The following HELZ variants were observed in gnomAD, a reference collection of about 807,000 sequenced individuals.
HELZ encodes helicase with zinc finger.
Under a neutral mutation model 218.2 loss-of-function variants are expected in HELZ, and 23 were observed. The ratio of observed to expected loss-of-function variants is 0.11; its 90% CI spans 0.08 to 0.15. HELZ has a LOEUF of 0.15. HELZ is among the 10% of genes least tolerant of loss of function. The pLI, the probability that HELZ is intolerant of heterozygous loss-of-function variation, is 1.00. For synonymous variants in HELZ, 814 were observed against 829.4 expected, an observed-to-expected ratio of 0.98 and a Z score of 0.32; for missense variants, 1,813 against 2,353.7, an observed-to-expected ratio of 0.77 and a Z score of 4.75.
At chr17:67,118,690 GGCAAAAA>G (rs1314426492) in intron 27 of HELZ, among the ~76,000 whole-genome samples, 68 of 28,272 alleles carry the variant, frequency 2.4e-3, no homozygotes, top group African/African-American at 1.0e-2. Context: ...GTCTTTAAAA[GGCAAAAA>G]AAAAAAAAAA....
chr17:67,212,709 G>A (rs2040490049), intron 5 of HELZ, among the ~76,000 whole-genome samples: 1 of 152,130 alleles, frequency 6.6e-6, no homozygotes, highest in East Asian at 1.9e-4. Context: ...GGGGAACAAG[G>A]AATGTGTAGA....
At chr17:67,237,930 G>C (rs1170914404) in intron 3 of HELZ, among the ~76,000 whole-genome samples, 1 of 150,768 alleles carries the variant, frequency 6.6e-6, no homozygotes, top group Admixed American at 6.6e-5. Flanking sequence ...AGAGGTTACA[G>C]TGAGCTGAGA....
At chr17:67,226,693 C>T (rs1344189151) in intron 3 of HELZ, among the ~76,000 whole-genome samples, 1 of 152,114 alleles carries the variant, frequency 6.6e-6, no homozygotes, top group African/African-American at 2.4e-5. Flanking sequence ...AAGATCTGAA[C>T]ACAAATGTTC....
chr17:67,245,375 G>C, upstream of HELZ: 1 of 770,946 alleles, frequency 1.3e-6, no homozygotes, highest in Non-Finnish European at 1.6e-6. Flanking sequence ...TGACGGCATT[G>C]AAAATTCACC....
intron 17 of HELZ, among the ~76,000 whole-genome samples, chr17:67,156,188 T>C (rs2038837373): frequency 6.6e-6 from 1 of 151,850 alleles, no homozygotes; most frequent in Admixed American, 6.6e-5. Flanking sequence ...TTTGTAATAG[T>C]GTATGCATGT....
intron 5 of HELZ, among the ~76,000 whole-genome samples, chr17:67,214,259 CT>C (rs777420102): frequency 0.012 from 1,077 of 87,728 alleles, 3 homozygotes; most frequent in African/African-American, 0.045. Flanking sequence ...ATTAATATTT[CT>C]TTTTTTTTTT....
chr17:67,229,820 C>G (rs964026836), intron 3 of HELZ, among the ~76,000 whole-genome samples: 2 of 152,190 alleles, frequency 1.3e-5, no homozygotes, highest in Admixed American at 6.5e-5. Context: ...ACTTAATATT[C>G]AGCCAGACTT....
chr17:67,236,132 G>T (rs1265030577), intron 3 of HELZ, among the ~76,000 whole-genome samples: 1 of 152,066 alleles, frequency 6.6e-6, no homozygotes, highest in Non-Finnish European at 1.5e-5. Flanking sequence ...GCCTACAATA[G>T]TTAATTGCAT....
chr17:67,188,017 T>C lies in HELZ; in HGVS notation c.1162+302A>G, dbSNP rs1218289048. On this transcript the variant is annotated intron_variant, in intron 12 of 32. Transcript: ENST00000358691. The surrounding 1 kb of genome is among the most constrained non-coding windows in gnomAD (Gnocchi z 4.1). ...CTACCCAAACTAATATTGAAAGATA[T>C]TACTGTGCTAAAACCATCTTACTGT... 1.1e-4 allele frequency among the ~76,000 whole-genome samples: 16 copies of C among 152,136 alleles called. No individual in the cohort carries two copies. The highest frequency in any genetic ancestry group is 1.0e-3 in the Admixed American group (16 of 15,272).
intron 20 of HELZ, among the ~76,000 whole-genome samples, chr17:67,148,216 G>A (rs987555755): frequency 6.6e-6 from 1 of 152,204 alleles, no homozygotes; most frequent in Non-Finnish European, 1.5e-5. Flanking sequence ...GGTGTCAGAA[G>A]TGAAATGGAG....
At chr17:67,135,939 C>A in intron 23 of HELZ, 31 bp downstream of exon 23, 2 of 1,503,534 alleles carry the variant, frequency 1.3e-6, no homozygotes, top group South Asian at 1.2e-5. Context: ...CACATTTCCC[C>A]TTTAATGTCT....
chr17:67,141,085 T>G (rs1415258905), intron 21 of HELZ, among the ~76,000 whole-genome samples: 1 of 152,220 alleles, frequency 6.6e-6, no homozygotes, highest in African/African-American at 2.4e-5. Context: ...AAGGAAGTTC[T>G]TCAGGCTGAA....
intron 15 of HELZ, among the ~76,000 whole-genome samples, chr17:67,161,798 T>C (rs1007854034): frequency 9.2e-5 from 14 of 152,208 alleles, no homozygotes; most frequent in Admixed American, 5.2e-4. Flanking sequence ...GTCCCTTCTA[T>C]GACTTGGCTA....
chr17:67,123,408 T>G (rs2037680194), intron 25 of HELZ, among the ~76,000 whole-genome samples: 1 of 152,202 alleles, frequency 6.6e-6, no homozygotes, highest in Non-Finnish European at 1.5e-5. Flanking sequence ...AAATATTTTC[T>G]GAGGAACTCA....
chr17:67,225,263 T>C, intron 3 of HELZ: 1 of 211,952 alleles, frequency 4.7e-6, no homozygotes, highest in Middle Eastern at 1.9e-3. Context: ...ATATTAGAAT[T>C]GTTATTATCA....
rs1477857337 is a variant in HELZ at position 67,108,779 on chromosome 17, T to C, written c.4490-53A>G. On this transcript the variant is annotated intron_variant, in intron 29 of 32. Coordinates refer to ENST00000358691, the MANE Select transcript of HELZ (RefSeq NM_014877.4). The surrounding 1 kb of genome is among the most constrained non-coding windows in gnomAD (Gnocchi z 4.1). The stretch of plus-strand genomic sequence containing the variant: ...TATGAATTTGGGGTTTCAAGTTCAT[T>C]ATTTAAAGTTTTTTACTAACATATT... 3.0e-6 allele frequency: 4 copies of C among 1,350,272 alleles called. No homozygotes were observed. Among genetic ancestry groups the C allele is most frequent in the Non-Finnish European group, 4.1e-6 (4 of 986,010 alleles). The allele number at this position is 1,350,272 out of a possible 1,614,324, so 83.6% of individuals were successfully genotyped here.
chr17:67,077,336 T>C lies in HELZ; in HGVS notation c.*916A>G, dbSNP rs140250232. The C allele has an allele frequency of 1.0e-4, 16 of 152,716 alleles. No individual in the cohort carries two copies. The East Asian group carries it at 2.1e-3, about 20-fold the overall frequency. The allele number at this position is 152,716 out of a possible 1,614,324, so 9.5% of individuals were successfully genotyped here. A position where few individuals can be genotyped will look rare whatever the true frequency, so the allele number is the denominator to read the frequency against. On this transcript the variant is annotated 3_prime_UTR_variant, in exon 33 of 33. Coordinates refer to ENST00000358691, the MANE Select transcript of HELZ (RefSeq NM_014877.4). ...AACCTTAAAGCGGCACAATTCTTTA[T>C]ACCACTGGAGAAGAGGGAAGCCAGG...
At chr17:67,230,279 T>A (rs1216666869) in intron 3 of HELZ, among the ~76,000 whole-genome samples, 1 of 152,014 alleles carries the variant, frequency 6.6e-6, no homozygotes, top group Non-Finnish European at 1.5e-5. Flanking sequence ...TTAAAAGATA[T>A]GAAGAAACAA....
chr17:67,121,461 T>C (rs1209584063), intron 26 of HELZ, among the ~76,000 whole-genome samples: 1 of 152,196 alleles, frequency 6.6e-6, no homozygotes, highest in African/African-American at 2.4e-5. Context: ...GGAGTGGGCA[T>C]GAATTACGTA....
Sources: gnomAD v4.1 joint callset for allele counts (sites outside exome capture counted in the v4.1 genomes callset) on GRCh38, gnomAD v4.1.1 for gene constraint, Gnocchi (gnomAD v3.1) non-coding constraint, MANE v1.5 for transcripts, NCBI Gene and HGNC (gene_info 2026-07-23, HGNC 2026-07-21) for gene names.